EIF4G3: variants seen among roughly 807,000 people sequenced by gnomAD.
The protein encoded by EIF4G3 is eukaryotic translation initiation factor 4 gamma 3.
A neutral mutation model predicts 186.4 loss-of-function variants in EIF4G3; 34 were observed. The observed-to-expected ratio is 0.18, with a 90% CI of 0.14 to 0.24. The LOEUF (loss-of-function observed/expected upper bound fraction) is 0.24, where lower values mean the gene tolerates loss of function less well. Among genes scored for constraint, EIF4G3 ranks in the 10% least tolerant of loss-of-function variants. The pLI is 1.00. For missense variants in EIF4G3, 1,536 were observed against 1,948.5 expected (o/e 0.79, Z 3.99); for synonymous variants, 673 against 679.5 (o/e 0.99, Z 0.15).
intron 34 of EIF4G3, among the ~76,000 whole-genome samples, chr1:20,816,559 G>A (rs1423564549): frequency 4.0e-5 from 3 of 74,672 alleles, no homozygotes; most frequent in Middle Eastern, 9.8e-3. Context: ...CTGCCCGGCC[G>A]CCCCTACTGG....
intron 4 of EIF4G3, among the ~76,000 whole-genome samples, chr1:21,027,162 T>C (rs2092236297): frequency 6.6e-6 from 1 of 151,466 alleles, no homozygotes; most frequent in Admixed American, 6.6e-5. Flanking sequence ...CCAAGATGGC[T>C]AGTATATATA....
chr1:21,009,701 C>A (rs1234974044), intron 4 of EIF4G3, among the ~76,000 whole-genome samples: 1 of 151,998 alleles, frequency 6.6e-6, no homozygotes, highest in Non-Finnish European at 1.5e-5. Context: ...GTCGCCCAGG[C>A]TGGAGTGCAG....
chr1:21,037,708 A>G (rs1436608767), intron 4 of EIF4G3, among the ~76,000 whole-genome samples: 2 of 152,232 alleles, frequency 1.3e-5, no homozygotes, highest in African/African-American at 4.8e-5. Context: ...AATTAAGACT[A>G]GCCCAATTCA....
Position 20,927,112 on chromosome 1 carries a change from C to T in EIF4G3, c.1663+14379G>A, listed in dbSNP as rs183795059. ...AGGCTGGAGTGCACTGGTGCAATTG[C>T]GGCTGACTGCAACATCCGCCTCCTG... is the stretch of plus-strand genomic sequence containing the variant. On this transcript the variant is annotated intron_variant, in intron 14 of 36. Coordinates refer to ENST00000602326, the MANE Select transcript of EIF4G3 (RefSeq NM_001391906.1). Among the ~76,000 whole-genome samples the T allele has an allele frequency of 8.8e-5, 13 of 147,670 alleles. No individual in the cohort carries two copies. The East Asian group carries it at 2.0e-3, about 23-fold the overall frequency.
At chr1:20,869,306 AT>A (rs954573350) in intron 20 of EIF4G3, among the ~76,000 whole-genome samples, 2,038 of 97,448 alleles carry the variant, frequency 0.021, 22 homozygotes, top group African/African-American at 0.072. Context: ...TTACTTTAAA[AT>A]TTTTTTTTTT....
chr1:21,060,805 CAA>C (rs2094864928), intron 3 of EIF4G3, among the ~76,000 whole-genome samples: 5 of 115,272 alleles, frequency 4.3e-5, no homozygotes, highest in Admixed American at 4.3e-4. Flanking sequence ...AAAAAAAAAA[CAA>C]AGCTACTGCA....
At chr1:20,839,315 G>A (rs976711034) in intron 30 of EIF4G3, among the ~76,000 whole-genome samples, 2 of 151,928 alleles carry the variant, frequency 1.3e-5, no homozygotes, top group South Asian at 2.1e-4. Context: ...GTTTCACCAC[G>A]TTGTTCAGGC....
chr1:20,969,515 G>C lies in EIF4G3; in HGVS notation c.673C>G (p.Pro225Ala), dbSNP rs747223441. Residue 225 changes from proline to alanine, a missense_variant, in exon 12 of 37, where the codon CCA becomes GCA. Coordinates refer to ENST00000602326, the MANE Select transcript of EIF4G3 (RefSeq NM_001391906.1). Reference protein sequence around the residue: ...MSGGGSRNPTPPIGRPTSTPT... With the variant: ...MSGGGSRNPTAPIGRPTSTPT... ...GTGGACGTGGGTCTTCCTATGGGTG[G>C]AGTAGGATTTCTGCTGCCACCTCCA... 2.5e-6 allele frequency: 4 copies of C among 1,613,780 alleles called. No homozygotes were observed. The highest frequency in any genetic ancestry group is 2.7e-5 in the African/African-American group (2 of 74,908).
intron 15 of EIF4G3, among the ~76,000 whole-genome samples, chr1:20,902,188 T>G (rs1000312975): frequency 6.6e-6 from 1 of 151,756 alleles, no homozygotes; most frequent in Non-Finnish European, 1.5e-5. Flanking sequence ...CTCAGCCTCC[T>G]GAGTAGCTGG....
chr1:20,948,152 T>G (rs930272070), intron 13 of EIF4G3, among the ~76,000 whole-genome samples: 13 of 152,194 alleles, frequency 8.5e-5, no homozygotes, highest in Admixed American at 7.2e-4. Flanking sequence ...GCAAAAAGAT[T>G]ACACATTTGC....
chr1:20,919,913 CT>C (rs556136216), intron 14 of EIF4G3, among the ~76,000 whole-genome samples: 105 of 137,696 alleles, frequency 7.6e-4, no homozygotes, highest in Non-Finnish European at 8.2e-4. Flanking sequence ...GGAGATAATT[CT>C]TTTTTTTTTT....
At chr1:21,153,000 A>G (rs2097576566) in intron 2 of EIF4G3, among the ~76,000 whole-genome samples, 2 of 152,228 alleles carry the variant, frequency 1.3e-5, no homozygotes, top group South Asian at 4.1e-4. Context: ...GCTGTTTCCA[A>G]AATAATTTTT....
intron 4 of EIF4G3, among the ~76,000 whole-genome samples, chr1:21,013,949 C>G (rs2088006708): frequency 6.6e-6 from 1 of 152,220 alleles, no homozygotes; most frequent in African/African-American, 2.4e-5. Flanking sequence ...GTGGGTGGAT[C>G]ACCTGAGATC....
intron 28 of EIF4G3, among the ~76,000 whole-genome samples, chr1:20,850,700 T>A (rs972813523): frequency 1.3e-5 from 2 of 152,210 alleles, no homozygotes; most frequent in Non-Finnish European, 2.9e-5. Flanking sequence ...CCTGAAAAGG[T>A]AGGTACAACT....
chr1:21,173,020 T>C (rs2098016923), intron 2 of EIF4G3, among the ~76,000 whole-genome samples: 1 of 149,044 alleles, frequency 6.7e-6, no homozygotes, highest in African/African-American at 2.5e-5. Context: ...ACACCTGTAG[T>C]CCCAACTACT....
intron 4 of EIF4G3, among the ~76,000 whole-genome samples, chr1:21,043,870 C>CAA (rs1427967397): frequency 7.8e-5 from 11 of 141,040 alleles, no homozygotes; most frequent in East Asian, 2.1e-4. Flanking sequence ...AACCTTGGCG[C>CAA]AAAAAAAAAA....
chr1:21,063,783 C>T (rs1304022531), intron 3 of EIF4G3, among the ~76,000 whole-genome samples: 1 of 150,470 alleles, frequency 6.6e-6, no homozygotes, highest in Non-Finnish European at 1.5e-5. Context: ...AATCTTGGCT[C>T]ACTGCAACCT....
At chr1:20,885,252 C>G (rs2083737560) in intron 19 of EIF4G3, among the ~76,000 whole-genome samples, 1 of 152,214 alleles carries the variant, frequency 6.6e-6, no homozygotes, top group Admixed American at 6.5e-5. Flanking sequence ...TAAGGCACAT[C>G]TCTGATCTCA....
intron 6 of EIF4G3, among the ~76,000 whole-genome samples, chr1:21,000,617 CA>C (rs558283146): frequency 2.2e-4 from 33 of 149,360 alleles, no homozygotes; most frequent in Non-Finnish European, 8.9e-5. Context: ...AAAACAAAAA[CA>C]AAAAAAAACC....
Sources: allele counts gnomAD v4.1 joint callset (sites outside exome capture counted in the v4.1 genomes callset), GRCh38; gene constraint gnomAD v4.1.1; transcripts MANE v1.5; gene names NCBI Gene and HGNC (gene_info 2026-07-23, HGNC 2026-07-21).